The following DNAJC3 variants were observed in gnomAD, a reference collection of about 807,000 sequenced individuals.
DNAJC3 encodes DnaJ heat shock protein family (Hsp40) member C3.
DNAJC3 carries 38 observed loss-of-function variants against 68.6 expected under a neutral mutation model. The observed-to-expected ratio is 0.55, with a 90% CI of 0.43 to 0.73. DNAJC3 has a LOEUF of 0.73. Ranked by LOEUF, DNAJC3 falls within the 30% of genes least tolerant of loss-of-function variation. The pLI, the probability that DNAJC3 is intolerant of heterozygous loss-of-function variation, is 0.00. For synonymous variants in DNAJC3, 203 were observed against 204.0 expected (o/e 1.00, Z 0.04); for missense variants, 526 against 591.9 (o/e 0.89, Z 1.16).
chr13:95,783,960 GCTT>G, intron 9 of DNAJC3, among the ~76,000 whole-genome samples: 1 of 152,232 alleles, frequency 6.6e-6, no homozygotes, highest in South Asian at 2.1e-4. Flanking sequence ...GAGGGGCCAG[GCTT>G]CTTCCCGAGG....
chr13:95,709,752 G>A (rs1460578445), intron 2 of DNAJC3, among the ~76,000 whole-genome samples: 1 of 149,410 alleles, frequency 6.7e-6, no homozygotes, highest in Non-Finnish European at 1.5e-5. Flanking sequence ...CCATTCTCCT[G>A]CCTCAGCCTC....
chr13:95,794,314 CTT>C lies in DNAJC3; in HGVS notation c.*3286_*3287del, dbSNP rs1230281379. ...CACCTTTAAATGGGTCAGAAGTTGT[CTT>C]TGACATTTACCATGAAAAAACTACA... On this transcript the variant is annotated 3_prime_UTR_variant, in exon 12 of 12. Transcript: ENST00000602402. 6.6e-6 allele frequency: 1 copy of C among 152,162 alleles called. No homozygotes were observed. Among genetic ancestry groups the C allele is most frequent in the African/African-American group, 2.4e-5 (1 of 41,442 alleles). 9.4% of individuals were successfully genotyped at this position (152,162 alleles called of 1,614,324 possible).
In DNAJC3 at chr13:95,686,024, C is replaced by T. The variant is rs955136165; in HGVS notation, c.82+8687C>T. 7.3e-5 allele frequency among the ~76,000 whole-genome samples: 11 copies of T among 151,594 alleles called. No individual in the cohort carries two copies. The South Asian group carries it at 1.0e-3, about 14-fold the overall frequency. On this transcript the variant is annotated intron_variant, in intron 1 of 11. Coordinates refer to ENST00000602402, the MANE Select transcript of DNAJC3 (RefSeq NM_006260.5). ...TCGCCCAGGCTGGAATGCAGTGGCA[C>T]GATCTTGGCTCACTGCAAGCTCCGC...
intron 4 of DNAJC3, among the ~76,000 whole-genome samples, chr13:95,742,234 C>T (rs759206367): frequency 2.0e-5 from 3 of 152,176 alleles, no homozygotes; most frequent in Admixed American, 6.5e-5. Context: ...CTGGTGGCAG[C>T]AACCAGCTAC....
intron 9 of DNAJC3, among the ~76,000 whole-genome samples, chr13:95,767,559 T>C (rs934214102): frequency 6.6e-6 from 1 of 152,164 alleles, no homozygotes; most frequent in African/African-American, 2.4e-5. Context: ...TGCAAAATCA[T>C]TATGCTAGTT....
At chr13:95,789,338 G>C (rs17885182) in intron 11 of DNAJC3, among the ~76,000 whole-genome samples, 4,546 of 152,200 alleles carry the variant, frequency 0.03, 232 homozygotes, top group African/African-American at 0.1. Context: ...GCCCCAGTGT[G>C]TGTTGTTCCC....
chr13:95,768,834 G>T (rs560001295), intron 9 of DNAJC3, among the ~76,000 whole-genome samples: 1 of 151,976 alleles, frequency 6.6e-6, no homozygotes, highest in East Asian at 1.9e-4. Flanking sequence ...AATTAGCCAG[G>T]CATGGTGGTA....
At chr13:95,757,882 G>C in intron 5 of DNAJC3, 86 bp downstream of exon 5, 1 of 1,350,354 alleles carries the variant, frequency 7.4e-7, no homozygotes. Context: ...ATACCACAAA[G>C]ACCTAGACAG....
At chr13:95,687,089 C>T (rs1318659039) in intron 1 of DNAJC3, among the ~76,000 whole-genome samples, 8 of 152,224 alleles carry the variant, frequency 5.3e-5, no homozygotes, top group Non-Finnish European at 7.4e-5. Context: ...TCTTTCACCT[C>T]CTTGGTCAGT....
chr13:95,782,093 TG>T (rs1284631558), intron 9 of DNAJC3, among the ~76,000 whole-genome samples: 10 of 152,196 alleles, frequency 6.6e-5, no homozygotes, highest in Admixed American at 6.5e-4. Context: ...CTGAGAACAA[TG>T]GTTTCCAGCT....
intron 9 of DNAJC3, among the ~76,000 whole-genome samples, chr13:95,782,842 T>C (rs1375471964): frequency 6.6e-6 from 1 of 152,248 alleles, no homozygotes. Context: ...TTTGTCAATT[T>C]TGGCGTTTGT....
chr13:95,692,037 AGACCATGGAAAGAGAGGGAGAG>A lies in DNAJC3; in HGVS notation c.82+14702_82+14723del, dbSNP rs1441883524. On this transcript the variant is annotated intron_variant, in intron 1 of 11. Transcript: ENST00000602402. ...CCAGCTTCAGCTCGGCATCAGAGGG[AGACCATGGAAAGAGAGGGAGAG>A]GGAGACCGTGGAAAGAGAGGGAGAG... Among the ~76,000 whole-genome samples the A allele has an allele frequency of 2.1e-3, 316 of 147,784 alleles. 5 individuals are homozygous for A. The highest frequency in any genetic ancestry group is 0.01 in the Middle Eastern group (3 of 294).
intron 4 of DNAJC3, among the ~76,000 whole-genome samples, chr13:95,740,735 C>T (rs1403303636): frequency 1.3e-5 from 2 of 152,180 alleles, no homozygotes; most frequent in South Asian, 2.1e-4. Flanking sequence ...GAGATGAACC[C>T]GGTACCTCAG....
intron 1 of DNAJC3, among the ~76,000 whole-genome samples, chr13:95,685,170 C>T (rs1379084108): frequency 1.3e-5 from 2 of 152,256 alleles, no homozygotes; most frequent in Admixed American, 6.5e-5. Flanking sequence ...TGACAGCAGC[C>T]GCGTGGGCTG....
chr13:95,714,654 A>G (rs181379785), intron 2 of DNAJC3, among the ~76,000 whole-genome samples: 9 of 152,324 alleles, frequency 5.9e-5, no homozygotes, highest in Non-Finnish European at 1.2e-4. Flanking sequence ...CTGTGTGACC[A>G]CATCGTTACT....
intron 3 of DNAJC3, among the ~76,000 whole-genome samples, chr13:95,724,135 T>C (rs566570992): frequency 1.6e-4 from 24 of 152,366 alleles, no homozygotes; most frequent in Non-Finnish European, 3.2e-4. Flanking sequence ...AAATCTCAAA[T>C]ATTTTTCAAA....
intron 4 of DNAJC3, among the ~76,000 whole-genome samples, chr13:95,726,199 A>T (rs1258906317): frequency 1.3e-5 from 2 of 152,096 alleles, no homozygotes; most frequent in Non-Finnish European, 2.9e-5. Flanking sequence ...CAGTAATGGG[A>T]TGGTTGGGTC....
At chr13:95,718,151 A>T (rs1157998821) in intron 2 of DNAJC3, among the ~76,000 whole-genome samples, 2 of 152,262 alleles carry the variant, frequency 1.3e-5, no homozygotes, top group Non-Finnish European at 2.9e-5. Flanking sequence ...CCATATTTCC[A>T]CATGTAGACT....
At chr13:95,749,190 T>C (rs934087202) in intron 4 of DNAJC3, among the ~76,000 whole-genome samples, 2 of 152,382 alleles carry the variant, frequency 1.3e-5, no homozygotes, top group East Asian at 3.9e-4. Flanking sequence ...GCTGTATTCA[T>C]TGCCTTCCTG....
Sources: allele counts gnomAD v4.1 joint callset (sites outside exome capture counted in the v4.1 genomes callset), GRCh38; gene constraint gnomAD v4.1.1; transcripts MANE v1.5; gene names NCBI Gene and HGNC (gene_info 2026-07-23, HGNC 2026-07-21).